The following VTI1A variants were observed in gnomAD, a reference collection of about 807,000 sequenced individuals.
VTI1A encodes vesicle transport through interaction with t-SNAREs homolog 1A.
A neutral mutation model predicts 34.9 loss-of-function variants in VTI1A; 22 were observed. That is an observed-to-expected ratio of 0.63 (90% confidence interval 0.45 to 0.90). The LOEUF (loss-of-function observed/expected upper bound fraction) is 0.90. Ranked by LOEUF, VTI1A falls within the 40% of genes least tolerant of loss-of-function variation. VTI1A has a pLI of 0.00. For synonymous variants in VTI1A, 87 were observed against 97.3 expected, an observed-to-expected ratio of 0.89 and a Z score of 0.62; for missense variants, 268 against 275.6, an observed-to-expected ratio of 0.97 and a Z score of 0.20.
chr10:112,589,258 G>A (rs1046429932), intron 5 of VTI1A, among the ~76,000 whole-genome samples: 39 of 152,116 alleles, frequency 2.6e-4, no homozygotes, highest in African/African-American at 8.9e-4. Context: ...CCGAATGGGA[G>A]ATAATTGAAT....
At chr10:112,647,597 G>A (rs891538668) in intron 5 of VTI1A, among the ~76,000 whole-genome samples, 4 of 152,158 alleles carry the variant, frequency 2.6e-5, no homozygotes, top group Non-Finnish European at 4.4e-5. Context: ...ACTATGATAT[G>A]TGTGGACTAT....
intron 5 of VTI1A, among the ~76,000 whole-genome samples, chr10:112,580,393 G>A (rs1228905339): frequency 1.3e-5 from 2 of 152,232 alleles, no homozygotes; most frequent in African/African-American, 2.4e-5. Flanking sequence ...GATGGGAAAG[G>A]CTGAGAACAG....
intron 4 of VTI1A, 101 bp from the exon 5 acceptor site, chr10:112,538,145 C>A: frequency 2.1e-6 from 2 of 938,608 alleles, no homozygotes; most frequent in Non-Finnish European, 3.3e-6. Context: ...CGAACCCCCC[C>A]ACCCCATGTT....
At chr10:112,821,762 C>A (rs773979602), downstream of VTI1A, among the ~76,000 whole-genome samples, 12 of 152,232 alleles carry the variant, frequency 7.9e-5, no homozygotes, top group Non-Finnish European at 1.6e-4. Context: ...ATTCAACAGA[C>A]GTGCATCAGC....
intron 7 of VTI1A, among the ~76,000 whole-genome samples, chr10:112,686,352 T>G (rs982085761): frequency 5.9e-5 from 9 of 152,168 alleles, no homozygotes; most frequent in African/African-American, 2.2e-4. Context: ...CATTCAAATG[T>G]AATGGACACT....
At chr10:112,766,283 C>A (rs114335131) in intron 7 of VTI1A, among the ~76,000 whole-genome samples, 1 of 152,162 alleles carries the variant, frequency 6.6e-6, no homozygotes, top group Admixed American at 6.5e-5. Flanking sequence ...GGAAATTATA[C>A]ATAAATAAGG....
chr10:112,833,150 C>A, the VTI1A span, among the ~76,000 whole-genome samples: 1 of 152,096 alleles, frequency 6.6e-6, no homozygotes, highest in South Asian at 2.1e-4. Flanking sequence ...TCCCCATGCT[C>A]CTGACAGACA....
chr10:112,635,617 C>T (rs1846325046), intron 5 of VTI1A, among the ~76,000 whole-genome samples: 1 of 152,010 alleles, frequency 6.6e-6, no homozygotes, highest in South Asian at 2.1e-4. Flanking sequence ...GACAGGGAAA[C>T]CAGTTAAGAG....
intron 7 of VTI1A, among the ~76,000 whole-genome samples, chr10:112,783,401 G>GCACACACACA (rs58560251): frequency 0.043 from 6,463 of 150,378 alleles, 415 homozygotes; most frequent in African/African-American, 0.14. Context: ...GCGTGCACGT[G>GCACACACACA]CACACACACA....
chr10:112,643,058 C>T (rs10885364), intron 5 of VTI1A, among the ~76,000 whole-genome samples: 1 of 145,922 alleles, frequency 6.9e-6, no homozygotes, highest in East Asian at 2.0e-4. Context: ...AATCTAGGCT[C>T]ACTGCAACCT....
At chr10:112,539,744 A>G (rs1850790760) in intron 5 of VTI1A, among the ~76,000 whole-genome samples, 1 of 152,190 alleles carries the variant, frequency 6.6e-6, no homozygotes, top group Admixed American at 6.5e-5. Flanking sequence ...AATATTGCCT[A>G]TCTCCAAACA....
chr10:112,680,764 A>C (rs1848183126), intron 7 of VTI1A, among the ~76,000 whole-genome samples: 1 of 152,194 alleles, frequency 6.6e-6, no homozygotes, highest in African/African-American at 2.4e-5. Context: ...TGCAGATAAG[A>C]CTTCACAGAG....
chr10:112,536,197 T>G (rs1030765335), intron 4 of VTI1A, among the ~76,000 whole-genome samples: 78 of 151,692 alleles, frequency 5.1e-4, no homozygotes, highest in African/African-American at 1.8e-3. Flanking sequence ...CTTTTAATTT[T>G]GGGATTTCAT....
At chr10:112,795,516 C>T (rs765851253) in intron 7 of VTI1A, among the ~76,000 whole-genome samples, 2 of 150,590 alleles carry the variant, frequency 1.3e-5, no homozygotes, top group Non-Finnish European at 2.9e-5. Context: ...CTCACTGCAG[C>T]CTCTGCCTCC....
intron 3 of VTI1A, among the ~76,000 whole-genome samples, chr10:112,498,356 C>T (rs1290797696): frequency 6.6e-6 from 1 of 152,058 alleles, no homozygotes; most frequent in Admixed American, 6.5e-5. Flanking sequence ...TATTCTGTGA[C>T]AGCATTAAAG....
chr10:112,538,574 C>A, intron 5 of VTI1A: 1 of 397,886 alleles, frequency 2.5e-6, no homozygotes, highest in Non-Finnish European at 4.5e-6. Context: ...AATACTTTGT[C>A]TAAATTCTAC....
chr10:112,773,251 C>A (rs141259547), intron 7 of VTI1A, among the ~76,000 whole-genome samples: 58 of 152,236 alleles, frequency 3.8e-4, no homozygotes, highest in Non-Finnish European at 8.1e-4. Flanking sequence ...TACCAAGTTC[C>A]TGGTCTTATT....
At chr10:112,709,369 G>T (rs1307292110) in intron 7 of VTI1A, among the ~76,000 whole-genome samples, 5 of 151,944 alleles carry the variant, frequency 3.3e-5, no homozygotes, top group Admixed American at 6.6e-5. Flanking sequence ...AGACAGAACT[G>T]CCCCCCTGGT....
intron 7 of VTI1A, among the ~76,000 whole-genome samples, chr10:112,672,329 G>A (rs1003932162): frequency 1.3e-5 from 2 of 152,138 alleles, no homozygotes; most frequent in Admixed American, 6.5e-5. Flanking sequence ...AGCATGCCAT[G>A]TTACCAAAAG....
Sources: gnomAD v4.1 joint callset for allele counts (sites outside exome capture counted in the v4.1 genomes callset) on GRCh38, gnomAD v4.1.1 for gene constraint, MANE v1.5 for transcripts, NCBI Gene and HGNC (gene_info 2026-07-23, HGNC 2026-07-21) for gene names.